Variants in MS4A6A observed in about 807,000 individuals in gnomAD.
MS4A6A encodes membrane spanning 4-domains A6A, also known as membrane-spanning 4-domains subfamily A member 6A.
Under a neutral mutation model 20.6 loss-of-function variants are expected in MS4A6A, and 19 were observed. That is an observed-to-expected ratio of 0.92 (90% CI 0.64 to 1.36). The LOEUF (loss-of-function observed/expected upper bound fraction) is 1.36, where lower values mean the gene tolerates loss of function less well. Ranked by LOEUF, MS4A6A falls within the 40% of genes most tolerant of loss-of-function variation. The pLI is 0.00. For synonymous variants in MS4A6A, 108 were observed against 105.0 expected, an observed-to-expected ratio of 1.03 and a Z score of -0.17; for missense variants, 272 against 261.1, an observed-to-expected ratio of 1.04 and a Z score of -0.29.
In MS4A6A at chr11:60,181,681, G is replaced by C. The variant is rs768274871; in HGVS notation, c.47C>G (p.Ser16Ter). 3.7e-6 allele frequency: 6 copies of C among 1,613,998 alleles called. No individual in the cohort carries two copies. In the African/African-American group the frequency reaches 6.7e-5, roughly 18 times the overall value. Residue 16 changes from serine to a stop codon, truncating the protein, a stop_gained, in exon 2 of 6, where the codon TCA becomes TGA. Transcript: ENST00000528851. LOFTEE classifies it high-confidence loss of function. Reference sequence around the variant, plus strand: ...TGCTTGGGAGAAGTTGATGACATTTGATGGGAGCACTATGATGGTCTCATT... The same window carrying C: ...TGCTTGGGAGAAGTTGATGACATTTCATGGGAGCACTATGATGGTCTCATT... ...VPNETIIVLP[S>*]NVINFSQAEK...
rs207471960 is a variant in MS4A6A, at chr11:60,172,913, T to C, written c.*88A>G. On this transcript the variant is annotated 3_prime_UTR_variant, in exon 6 of 6. Transcript: ENST00000528851. ...CCATCACAATGCAAATGCCCTCCCA[T>C]GTGTATCTCATGACTGACTGATTGT... The C allele has an allele frequency of 1.3e-6, 2 of 1,589,984 alleles. No homozygotes were observed. Among genetic ancestry groups the C allele is most frequent in the African/African-American group, 1.3e-5 (1 of 74,520 alleles).
intron 5 of MS4A6A, 102 bp from the exon 6 acceptor site, chr11:60,173,231 G>C (rs560320253): frequency 2.7e-5 from 27 of 1,000,744 alleles, no homozygotes. Context: ...TCAACCATTA[G>C]AGAATGAAGA....
intron 3 of MS4A6A, chr11:60,178,906 A>G: frequency 2.5e-6 from 1 of 395,818 alleles, no homozygotes; most frequent in Admixed American, 3.4e-5. Context: ...GCTACCCAAA[A>G]CTATCAAAGT....
chr11:60,176,908 T>C (rs1329680525), intron 4 of MS4A6A: 5 of 152,166 alleles, frequency 3.3e-5, no homozygotes, highest in African/African-American at 4.8e-5. Flanking sequence ...ACTGTGGGAT[T>C]GTTCTCTGGA....
chr11:60,177,365 G>T (rs577662039), intron 4 of MS4A6A: 3 of 152,036 alleles, frequency 2.0e-5, no homozygotes, highest in Admixed American at 2.0e-4. Context: ...ATTGAGTCTC[G>T]GTGCAATTGC....
intron 3 of MS4A6A, chr11:60,178,803 A>G: frequency 2.3e-6 from 1 of 441,804 alleles, no homozygotes; most frequent in South Asian, 1.6e-5. Context: ...CCTCATCATC[A>G]CCACCCAAAA....
chr11:60,172,543 A>G lies in MS4A6A; in HGVS notation c.*458T>C. The G allele has an allele frequency of 8.8e-7, 1 of 1,136,664 alleles. No homozygotes were observed. Among genetic ancestry groups the G allele is most frequent in the Non-Finnish European group, 1.1e-6 (1 of 924,384 alleles). 70.4% of individuals were successfully genotyped at this position (1,136,664 alleles called of 1,614,324 possible). The stretch of plus-strand genomic sequence containing the variant: ...TAATATAGCTTTAAAAAGGCAAACG[A>G]ATTTTAAGATCACCAGGGGCAAATG... On this transcript the variant is annotated 3_prime_UTR_variant, in exon 6 of 6. Transcript: ENST00000528851.
chr11:60,180,462 A>G, intron 2 of MS4A6A: 1 of 158,616 alleles, frequency 6.3e-6, no homozygotes, highest in Non-Finnish European at 1.4e-5. Flanking sequence ...GCAGTTCACA[A>G]CCCTATAGCT....
At chr11:60,179,617 T>C (rs948316712) in intron 3 of MS4A6A, 66 of 635,682 alleles carry the variant, frequency 1.0e-4, no homozygotes, top group Non-Finnish European at 1.8e-4. Flanking sequence ...AAGAATAAGA[T>C]GATCTTCAAA....
intron 4 of MS4A6A, among the ~76,000 whole-genome samples, chr11:60,177,592 C>T (rs624663): frequency 0.57 from 86,800 of 151,964 alleles, 25,055 homozygotes; most frequent in Admixed American, 0.65. Flanking sequence ...TTTTGTTAGC[C>T]AATACAAATG....
upstream of MS4A6A, chr11:60,183,225 T>C: frequency 6.6e-7 from 1 of 1,520,438 alleles, no homozygotes; most frequent in African/African-American, 1.4e-5. Context: ...CAACTAATAT[T>C]TGTGAGAGTT....
chr11:60,180,006 T>C, intron 2 of MS4A6A, 41 bp from the exon 3 acceptor site: 1 of 1,601,778 alleles, frequency 6.2e-7, no homozygotes. Context: ...AAAACCAGCA[T>C]TTGTAAAGAC....
intron 2 of MS4A6A, 46 bp downstream of exon 2, chr11:60,181,535 G>A (rs1857133783): frequency 1.9e-6 from 3 of 1,607,230 alleles, no homozygotes; most frequent in East Asian, 4.5e-5. Context: ...ATCATCTCTT[G>A]GCACTTCCCC....
At chr11:60,180,056 G>A (rs1022249832) in intron 2 of MS4A6A, 91 bp from the exon 3 acceptor site, 29 of 1,281,450 alleles carry the variant, frequency 2.3e-5, no homozygotes, top group Admixed American at 1.0e-4. Context: ...ATGCATTATC[G>A]CCTTCTGCAA....
At chr11:60,175,998 C>G (rs1856819783) in intron 4 of MS4A6A, among the ~76,000 whole-genome samples, 2 of 152,174 alleles carry the variant, frequency 1.3e-5, no homozygotes, top group Non-Finnish European at 2.9e-5. Flanking sequence ...ACTCAAAAAC[C>G]CCTGGCGGAA....
downstream of MS4A6A, chr11:60,172,457 C>A: frequency 1.6e-6 from 2 of 1,266,942 alleles, no homozygotes; most frequent in Non-Finnish European, 2.0e-6. Context: ...TAAATCAAGG[C>A]TTTTTAATTC....
At chr11:60,172,334 A>G, downstream of MS4A6A, 3 of 1,544,636 alleles carry the variant, frequency 1.9e-6, no homozygotes, top group Admixed American at 2.0e-5. Flanking sequence ...TTCCAACTGT[A>G]TACATAGAAT....
At chr11:60,183,960 A>G (rs632185), upstream of MS4A6A, 90,453 of 152,052 alleles carry the variant, frequency 0.59, 27,106 homozygotes, top group Admixed American at 0.66. Context: ...GCTGACTTCA[A>G]TGTATCAGGC....
chr11:60,173,812 C>A (rs1297174271), intron 5 of MS4A6A, among the ~76,000 whole-genome samples: 1 of 152,024 alleles, frequency 6.6e-6, no homozygotes, highest in Non-Finnish European at 1.5e-5. Context: ...TAATCACCAA[C>A]ACCAACTCAC....
Sources: gnomAD v4.1 joint callset for allele counts (sites outside exome capture counted in the v4.1 genomes callset) on GRCh38, gnomAD v4.1.1 for gene constraint, MANE v1.5 for transcripts, NCBI Gene and HGNC (gene_info 2026-07-23, HGNC 2026-07-21) for gene names.